The following CUBN variants were observed in gnomAD, a reference collection of about 807,000 sequenced individuals.
CUBN encodes 460 kDa receptor.
In CUBN, 282 loss-of-function variants were observed where a neutral mutation model predicts 405.3. The ratio of observed to expected loss-of-function variants is 0.70; its 90% CI spans 0.63 to 0.77. The LOEUF (loss-of-function observed/expected upper bound fraction) is 0.77. Among genes scored for constraint, CUBN ranks in the 30% least tolerant of loss-of-function variants. The probability of loss-of-function intolerance (pLI) is 0.00; values close to 1 mark genes in which losing one functional copy is unlikely to be tolerated. For missense variants in CUBN, 4,514 were observed against 4,475.2 expected (o/e 1.01, Z -0.25); for synonymous variants, 1,684 against 1,617.0 (o/e 1.04, Z -0.99).
chr10:16,941,196 G>A (rs1461360446), intron 36 of CUBN, among the ~76,000 whole-genome samples: 1 of 152,158 alleles, frequency 6.6e-6, no homozygotes, highest in Non-Finnish European at 1.5e-5. Flanking sequence ...ATTTCCAGAA[G>A]GGGACCCACA....
chr10:16,920,203 T>G, intron 43 of CUBN, 66 bp from the exon 44 acceptor site: 1 of 1,509,472 alleles, frequency 6.6e-7, no homozygotes, highest in Non-Finnish European at 9.2e-7. Flanking sequence ...TGGCCACAAA[T>G]CATCTTTTAA....
chr10:16,925,315 AT>A lies in CUBN; in HGVS notation c.6571del (p.Met2191CysfsTer25), dbSNP rs1185077771. On this transcript the variant is annotated frameshift_variant, in exon 43 of 67. Coordinates refer to ENST00000377833, the MANE Select transcript of CUBN (RefSeq NM_001081.4). LOFTEE classifies it high-confidence loss of function. ...SSTLFTSDNQMFVQFISDHSN... is the reference protein window; with the variant it reads ...SSTLFTSDNQXFVQFISDHSN... Reference sequence around the variant, plus strand: ...GTGATCAGAAATAAACTGAACAAACATTTGATTATCCGAGGTGAACAGAGTT... The same window carrying A: ...GTGATCAGAAATAAACTGAACAAACATTGATTATCCGAGGTGAACAGAGTT... 2 of 1,613,954 alleles carry A rather than the reference AT, an allele frequency of 1.2e-6. No individual in the cohort carries two copies. Among genetic ancestry groups the A allele is most frequent in the African/African-American group, 1.3e-5 (1 of 75,048 alleles).
At chr10:17,047,729 G>A (rs1464694548) in intron 22 of CUBN, 126 bp from the exon 23 acceptor site, 2 of 843,900 alleles carry the variant, frequency 2.4e-6, no homozygotes, top group Non-Finnish European at 3.7e-6. Flanking sequence ...TCTGGAATGT[G>A]CAAATAAAGA....
chr10:16,852,052 C>T, intron 59 of CUBN, among the ~76,000 whole-genome samples: 1 of 113,552 alleles, frequency 8.8e-6, no homozygotes, highest in African/African-American at 3.5e-5. Flanking sequence ...ATCTTTCCCT[C>T]CCTCCATCTT....
chr10:16,851,147 C>T, intron 60 of CUBN, 88 bp downstream of exon 60: 1 of 1,117,372 alleles, frequency 8.9e-7, no homozygotes, highest in Admixed American at 1.7e-5. Context: ...TCAAAATTAG[C>T]AGGACTTCCT....
In CUBN at chr10:16,994,897, C is replaced by T. The variant is rs574573640; in HGVS notation, c.4169-4382G>A. On this transcript the variant is annotated intron_variant, in intron 28 of 66. Transcript: ENST00000377833. ...CTGAGGTCATGAGTTCGAGACCAGC[C>T]TGTCCCAACATGGTGAAACCCTGTC... 6.6e-5 allele frequency among the ~76,000 whole-genome samples: 10 copies of T among 152,312 alleles called. No homozygotes were observed. The South Asian group carries it at 2.1e-3, about 32-fold the overall frequency.
intron 39 of CUBN, among the ~76,000 whole-genome samples, chr10:16,937,365 C>T (rs1369627198): frequency 6.6e-6 from 1 of 151,978 alleles, no homozygotes; most frequent in Non-Finnish European, 1.5e-5. Context: ...GATATCAAGC[C>T]CCTAATTAAT....
rs112286408 is a variant in CUBN, at chr10:16,965,174, G to C, written c.4696-10626C>G. Among the ~76,000 whole-genome samples, 1,085 of 152,166 alleles carry C rather than the reference G, an allele frequency of 7.1e-3. 21 individuals are homozygous for C. The highest frequency in any genetic ancestry group is 0.025 in the African/African-American group (1,030 of 41,512). ...TGTCCCTCTCTGGTGTCTTGGTGTG[G>C]GGCCTCATTACATCTTGCCTAGGCC... On this transcript the variant is annotated intron_variant, in intron 31 of 66. Transcript: ENST00000377833.
chr10:16,955,997 TATTTCATA>T, intron 31 of CUBN, among the ~76,000 whole-genome samples: 1 of 151,500 alleles, frequency 6.6e-6, no homozygotes, highest in Non-Finnish European at 1.5e-5. Flanking sequence ...TTGCCATTTA[TATTTCATA>T]AGAAAATCTT....
intron 16 of CUBN, 44 bp from the exon 17 acceptor site, chr10:17,084,505 C>T (rs201877178): frequency 1.6e-5 from 25 of 1,564,252 alleles, no homozygotes; most frequent in Non-Finnish European, 2.1e-5. Context: ...AATGGCATTG[C>T]TCTGGCTTGC....
At chr10:16,886,305 C>G (rs1467539774) in intron 56 of CUBN, among the ~76,000 whole-genome samples, 1 of 152,130 alleles carries the variant, frequency 6.6e-6, no homozygotes, top group African/African-American at 2.4e-5. Flanking sequence ...TCTGACATGT[C>G]ATTTTTATAA....
At position 16,835,058 on chromosome 10, in the gene CUBN, G is replaced by A. The variant is rs1349476219; in HGVS notation, c.10318C>T (p.Leu3440Phe). The change falls in exon 64 of 67, where the codon CTT becomes TTT. Residue 3440 changes from leucine to phenylalanine, a missense_variant. By Grantham distance (22) the Leu-to-Phe change is conservative (BLOSUM62 0). This residue lies in a region of CUBN where 1,186 missense variants were observed against 1,186.9 expected (regional missense o/e 1.00). Transcript: ENST00000377833. ...NHTISLFFHSLGIENSVECRN... is the reference protein window; with the variant it reads ...NHTISLFFHSFGIENSVECRN... ...CATTCAACTGAGTTCTCGATGCCAA[G>A]TGAATGAAAAAAGAGGGAAATGGTG... 2 of 1,614,156 alleles carry A rather than the reference G, an allele frequency of 1.2e-6. No individual in the cohort carries two copies. Among genetic ancestry groups the A allele is most frequent in the Non-Finnish European group, 8.5e-7 (1 of 1,180,010 alleles).
At chr10:16,943,580 A>G (rs1842712068) in intron 36 of CUBN, among the ~76,000 whole-genome samples, 1 of 152,210 alleles carries the variant, frequency 6.6e-6, no homozygotes, top group African/African-American at 2.4e-5. Flanking sequence ...TGCTTCTCAG[A>G]AAGCAGAAAG....
At chr10:16,958,448 C>T (rs990136669) in intron 31 of CUBN, among the ~76,000 whole-genome samples, 1 of 152,128 alleles carries the variant, frequency 6.6e-6, no homozygotes, top group African/African-American at 2.4e-5. Flanking sequence ...TTTGCTTCAA[C>T]CCAGGAGGCA....
At chr10:16,990,164 C>T (rs902178239) in intron 29 of CUBN, among the ~76,000 whole-genome samples, 170 bp downstream of exon 29, 7 of 152,226 alleles carry the variant, frequency 4.6e-5, no homozygotes, top group Admixed American at 4.6e-4. Context: ...AAACCCAAAC[C>T]ACACATTAAT....
intron 23 of CUBN, among the ~76,000 whole-genome samples, chr10:17,046,725 A>G (rs1835142866): frequency 6.6e-6 from 1 of 152,178 alleles, no homozygotes; most frequent in South Asian, 2.1e-4. Context: ...TTATTTTAAT[A>G]CCTTACTTTA....
At chr10:16,969,233 C>A (rs537037158) in intron 31 of CUBN, among the ~76,000 whole-genome samples, 29 of 138,120 alleles carry the variant, frequency 2.1e-4, no homozygotes, top group Admixed American at 1.6e-3. Context: ...GCAGAGATGA[C>A]AAAAATTCAT....
At chr10:17,032,280 A>G (rs1190455354) in intron 27 of CUBN, among the ~76,000 whole-genome samples, 2 of 152,276 alleles carry the variant, frequency 1.3e-5, no homozygotes, top group African/African-American at 4.8e-5. Context: ...AATATTTTCC[A>G]GGTGTGTGGA....
intron 43 of CUBN, among the ~76,000 whole-genome samples, chr10:16,921,706 T>C (rs1346232368): frequency 6.6e-6 from 1 of 152,252 alleles, no homozygotes; most frequent in African/African-American, 2.4e-5. Flanking sequence ...CTGACATTGC[T>C]GGAGGCCCTC....
Sources: allele counts gnomAD v4.1 joint callset (sites outside exome capture counted in the v4.1 genomes callset), GRCh38; gene constraint gnomAD v4.1.1; regional missense constraint gnomAD v4.1.1; transcripts MANE v1.5; gene names NCBI Gene and HGNC (gene_info 2026-07-23, HGNC 2026-07-21).